The following GYG2 variants were observed in gnomAD, a reference collection of about 807,000 sequenced individuals.
GYG2 encodes the protein glycogenin-2.
GYG2 carries 29 observed loss-of-function variants against 29.4 expected under a neutral mutation model. The observed-to-expected ratio is 0.99, with a 90% CI of 0.74 to 1.35. The LOEUF (loss-of-function observed/expected upper bound fraction) is 1.35. Ranked by LOEUF, GYG2 falls within the 40% of genes most tolerant of loss-of-function variation. The pLI is 0.00. For synonymous variants in GYG2, 167 were observed against 172.3 expected, an observed-to-expected ratio of 0.97 and a Z score of 0.24; for missense variants, 370 against 385.7, an observed-to-expected ratio of 0.96 and a Z score of 0.34.
At chrX:2,837,864 CACACAT>C (rs1241225143) in intron 2 of GYG2, among the ~76,000 whole-genome samples, 3 of 104,526 alleles carry the variant, frequency 2.9e-5, no homozygotes, top group South Asian at 4.1e-4. Flanking sequence ...CACACACACA[CACACAT>C]ACACACACAC....
Position 2,844,872 on chromosome X carries a change from G to A in GYG2, c.149+1518G>A, listed in dbSNP as rs759171065. Among the ~76,000 whole-genome samples the A allele has an allele frequency of 9.4e-5, 10 of 106,434 alleles. No individual in the cohort carries two copies. In the South Asian group the frequency reaches 3.1e-3, roughly 33 times the overall value. The allele number at this position is 106,434 out of a possible 115,157, so 92.4% of individuals were successfully genotyped here. ...TATATATTTATATGTACAGGTATGCGTATATACACATGTATGTGTTTATAT... is the reference window on the plus strand; with the variant it reads ...TATATATTTATATGTACAGGTATGCATATATACACATGTATGTGTTTATAT... On this transcript the variant is annotated intron_variant, in intron 3 of 10. Transcript: ENST00000398806.
At chrX:2,836,546 T>C (rs1318319610) in intron 2 of GYG2, among the ~76,000 whole-genome samples, 3 of 108,405 alleles carry the variant, frequency 2.8e-5, no homozygotes, top group African/African-American at 1.0e-4. Context: ...GTGGTGAGCA[T>C]CTGTAGTCCC....
intron 3 of GYG2, among the ~76,000 whole-genome samples, chrX:2,848,192 C>G (rs1468673906): frequency 9.0e-6 from 1 of 111,673 alleles, no homozygotes; most frequent in Non-Finnish European, 1.9e-5. Flanking sequence ...ACGGGCTCGT[C>G]TCTAGCACGC....
chrX:2,840,017 T>C (rs148038825), intron 2 of GYG2, among the ~76,000 whole-genome samples: 7 of 112,128 alleles, frequency 6.2e-5, no homozygotes, highest in Non-Finnish European at 1.3e-4. Context: ...CTTGTGCACT[T>C]TAAAATGGTT....
rs550125169 is a variant in GYG2 at position 2,853,195 on chromosome X, T to C, written c.150-785T>C. ...ACGCCTGGCTAATTTAAATTTTTTG[T>C]TTGTTTGTTTTTGTTTTTTTGCTTG... On this transcript the variant is annotated intron_variant, in intron 3 of 10. Coordinates refer to ENST00000398806, the MANE Select transcript of GYG2 (RefSeq NM_001079855.2). Among the ~76,000 whole-genome samples, 4 of 109,957 alleles carry C rather than the reference T, an allele frequency of 3.6e-5. No individual in the cohort carries two copies. In the South Asian group the frequency reaches 1.6e-3, roughly 44 times the overall value.
At chrX:2,840,680 A>G (rs1184896093) in intron 2 of GYG2, among the ~76,000 whole-genome samples, 1 of 111,577 alleles carries the variant, frequency 9.0e-6, no homozygotes, top group African/African-American at 3.3e-5. Context: ...TGATAGGTAG[A>G]TGGTAGGTAT....
At chrX:2,863,397 C>T in intron 8 of GYG2, among the ~76,000 whole-genome samples, 1 of 111,715 alleles carries the variant, frequency 9.0e-6, no homozygotes, top group Middle Eastern at 4.6e-3. Context: ...TAAATCTTTA[C>T]CACTGATCCT....
chrX:2,831,332 C>T (rs2087259348), intron 2 of GYG2, among the ~76,000 whole-genome samples: 1 of 112,250 alleles, frequency 8.9e-6, no homozygotes, highest in Admixed American at 9.4e-5. Context: ...TCTCAAAGTG[C>T]TGGGATTACA....
At chrX:2,872,251 A>G (rs1460438377) in intron 8 of GYG2, among the ~76,000 whole-genome samples, 1 of 112,301 alleles carries the variant, frequency 8.9e-6, no homozygotes, top group Non-Finnish European at 1.9e-5. Context: ...GCAGTTTGTA[A>G]AAGTCACATT....
chrX:2,868,107 A>G (rs181030618), intron 8 of GYG2, among the ~76,000 whole-genome samples: 30 of 111,012 alleles, frequency 2.7e-4, no homozygotes, highest in Non-Finnish European at 1.9e-5. Context: ...AAAAAAGAAA[A>G]AGAAATAGAA....
At chrX:2,874,605 C>T (rs2147268347) in intron 8 of GYG2, among the ~76,000 whole-genome samples, 1 of 112,325 alleles carries the variant, frequency 8.9e-6, no homozygotes, top group South Asian at 3.7e-4. Flanking sequence ...CAGTAAGCTT[C>T]ATGAAGGTGC....
At chrX:2,860,850 C>T (rs751953925) in intron 7 of GYG2, among the ~76,000 whole-genome samples, 57 of 110,566 alleles carry the variant, frequency 5.2e-4, no homozygotes, top group Non-Finnish European at 8.5e-4. Context: ...CTGCCTCAGC[C>T]TCCCAAGGAG....
At chrX:2,865,683 C>T (rs977728094) in intron 8 of GYG2, among the ~76,000 whole-genome samples, 3 of 111,168 alleles carry the variant, frequency 2.7e-5, no homozygotes, top group African/African-American at 9.8e-5. Context: ...CACAAAAGCA[C>T]GCTCATTTCA....
chrX:2,845,038 C>CGTGTGT (rs2087640662), intron 3 of GYG2, among the ~76,000 whole-genome samples: 2 of 68,782 alleles, frequency 2.9e-5, no homozygotes, highest in Admixed American at 1.5e-4. Context: ...TTTATATACA[C>CGTGTGT]ATGTGTATGT....
intron 2 of GYG2, among the ~76,000 whole-genome samples, chrX:2,837,790 G>T (rs1287408180): frequency 2.7e-5 from 3 of 109,363 alleles, no homozygotes; most frequent in Non-Finnish European, 5.7e-5. Context: ...TAATATATAT[G>T]ATTTGATTTA....
intron 9 of GYG2, 98 bp downstream of exon 9, chrX:2,876,012 T>A: frequency 2.9e-6 from 1 of 340,872 alleles, no homozygotes; most frequent in Non-Finnish European, 4.8e-6. Flanking sequence ...GGGGGCGCCA[T>A]AGGCTTTTAA....
chrX:2,863,641 C>T (rs1249662695), intron 8 of GYG2, among the ~76,000 whole-genome samples: 2 of 112,256 alleles, frequency 1.8e-5, no homozygotes, highest in Admixed American at 9.5e-5. Context: ...TGAAGAATGT[C>T]GGAGTGGTGA....
At chrX:2,866,831 T>TC (rs947630031) in intron 8 of GYG2, among the ~76,000 whole-genome samples, 2 of 65,041 alleles carry the variant, frequency 3.1e-5, no homozygotes, top group African/African-American at 8.1e-5. Flanking sequence ...GTAAATTTTT[T>TC]TTTTTTAAAA....
intron 2 of GYG2, among the ~76,000 whole-genome samples, chrX:2,841,594 G>A (rs1195016058): frequency 1.8e-5 from 2 of 111,694 alleles, no homozygotes; most frequent in Non-Finnish European, 3.8e-5. Context: ...TGGGGAGGAG[G>A]AGTCTACAGG....
Sources: allele counts gnomAD v4.1 joint callset (sites outside exome capture counted in the v4.1 genomes callset), GRCh38; gene constraint gnomAD v4.1.1; transcripts MANE v1.5; gene names NCBI Gene and HGNC (gene_info 2026-07-23, HGNC 2026-07-21).